The following OSBPL9 variants were observed in gnomAD, a reference collection of about 807,000 sequenced individuals.
The protein encoded by OSBPL9 is oxysterol binding protein like 9, also known as oxysterol-binding protein-related protein 9.
Under a neutral mutation model 106.6 loss-of-function variants are expected in OSBPL9, and 40 were observed. That is an observed-to-expected ratio of 0.38 (90% confidence interval 0.29 to 0.49). The LOEUF (loss-of-function observed/expected upper bound fraction) is 0.49, where lower values mean the gene tolerates loss of function less well. OSBPL9 is among the 20% of genes least tolerant of loss of function. The pLI is 0.97. For missense variants in OSBPL9, 609 were observed against 887.2 expected, an observed-to-expected ratio of 0.69 and a Z score of 3.98; for synonymous variants, 269 against 295.4, an observed-to-expected ratio of 0.91 and a Z score of 0.92.
At chr1:51,644,302 G>A (rs1251065822) in intron 1 of OSBPL9, among the ~76,000 whole-genome samples, 1 of 151,978 alleles carries the variant, frequency 6.6e-6, no homozygotes, top group South Asian at 2.1e-4. Flanking sequence ...ACAGGATCAC[G>A]AGTTAGTTTT....
intron 2 of OSBPL9, among the ~76,000 whole-genome samples, chr1:51,658,524 C>T (rs1646953079): frequency 6.6e-6 from 1 of 152,116 alleles, no homozygotes; most frequent in Non-Finnish European, 1.5e-5. Flanking sequence ...TATTAATCTA[C>T]ATGTGATTTA....
chr1:51,701,128 C>T (rs956865903), intron 3 of OSBPL9, among the ~76,000 whole-genome samples: 10 of 152,154 alleles, frequency 6.6e-5, no homozygotes, highest in African/African-American at 1.7e-4. Context: ...TTAGTAGAGA[C>T]GAGGTTTCAC....
At chr1:51,547,017 G>T in the OSBPL9 span, among the ~76,000 whole-genome samples, 1 of 152,202 alleles carries the variant, frequency 6.6e-6, no homozygotes, top group Non-Finnish European at 1.5e-5. Context: ...AATGCCAGCT[G>T]GTGGAGTTGT....
chr1:51,658,107 CAAA>C (rs1198628594), intron 2 of OSBPL9, among the ~76,000 whole-genome samples: 29 of 135,998 alleles, frequency 2.1e-4, no homozygotes, highest in African/African-American at 6.6e-4. Context: ...GACCCTGTCT[CAAA>C]GAAAAAAAAA....
chr1:51,726,652 C>T (rs1376457380), intron 4 of OSBPL9, among the ~76,000 whole-genome samples: 2 of 151,790 alleles, frequency 1.3e-5, no homozygotes, highest in South Asian at 2.1e-4. Context: ...CACCTAATAG[C>T]CTTAGTTATA....
intron 15 of OSBPL9, among the ~76,000 whole-genome samples, chr1:51,779,594 A>T (rs904256347): frequency 6.6e-6 from 1 of 152,206 alleles, no homozygotes; most frequent in African/African-American, 2.4e-5. Context: ...ATAACAGAGT[A>T]AACAGACAAC....
At chr1:51,649,939 G>A (rs1037313344) in intron 1 of OSBPL9, among the ~76,000 whole-genome samples, 2 of 151,720 alleles carry the variant, frequency 1.3e-5, no homozygotes, top group Non-Finnish European at 2.9e-5. Flanking sequence ...CAGGGGTGTG[G>A]TCATGGCTCA....
At chr1:51,782,458 C>G in intron 16 of OSBPL9, 101 bp from the exon 17 acceptor site, 1 of 816,608 alleles carries the variant, frequency 1.2e-6, no homozygotes, top group South Asian at 1.8e-5. Flanking sequence ...ATATAGGGTG[C>G]TTGGTGTGTG....
chr1:51,653,557 A>C (rs1252758760), intron 2 of OSBPL9, among the ~76,000 whole-genome samples: 2 of 152,220 alleles, frequency 1.3e-5, no homozygotes, highest in Non-Finnish European at 2.9e-5. Flanking sequence ...GCCCCAATTA[A>C]ATAAATTACA....
chr1:51,677,073 G>A (rs1007665992), intron 3 of OSBPL9, among the ~76,000 whole-genome samples: 4 of 152,320 alleles, frequency 2.6e-5, no homozygotes, highest in African/African-American at 7.2e-5. Flanking sequence ...GCCAAGATTC[G>A]TGCACATGTT....
chr1:51,551,610 A>G, the OSBPL9 span, among the ~76,000 whole-genome samples: 9 of 151,922 alleles, frequency 5.9e-5, no homozygotes, highest in Non-Finnish European at 1.2e-4. Context: ...TTTTTGAGAC[A>G]GGGTCTTACT....
At chr1:51,749,540 G>T in intron 7 of OSBPL9, 1 of 413,584 alleles carries the variant, frequency 2.4e-6, no homozygotes, top group Non-Finnish European at 5.0e-6. Context: ...TGGTCTCCTA[G>T]CCTCAAGCGA....
At chr1:51,630,173 T>C (rs1557608361) in intron 1 of OSBPL9, among the ~76,000 whole-genome samples, 1 of 152,120 alleles carries the variant, frequency 6.6e-6, no homozygotes, top group African/African-American at 2.4e-5. Flanking sequence ...CTCAGTCTTC[T>C]TTTCTGTGAT....
chr1:51,708,264 C>CTTTTTTTTTTTTTTTT (rs71063050), intron 3 of OSBPL9: 3 of 130,278 alleles, frequency 2.3e-5, no homozygotes, highest in Non-Finnish European at 3.3e-5. Flanking sequence ...TTTTCTTTTT[C>CTTTTTTTTTTTTTTTT]TTTTTTTTTT....
At chr1:51,636,651 C>G (rs1038202916) in intron 1 of OSBPL9, among the ~76,000 whole-genome samples, 5 of 151,976 alleles carry the variant, frequency 3.3e-5, no homozygotes, top group Admixed American at 3.3e-4. Flanking sequence ...ATTGTCTTAC[C>G]TTTCTAAAAT....
At chr1:51,614,936 G>C (rs1644016007), upstream of OSBPL9, among the ~76,000 whole-genome samples, 1 of 152,142 alleles carries the variant, frequency 6.6e-6, no homozygotes, top group South Asian at 2.1e-4. Flanking sequence ...ACATTCTTAA[G>C]TACTAAGCTT....
intron 2 of OSBPL9, among the ~76,000 whole-genome samples, chr1:51,665,295 C>T (rs1204647210): frequency 6.6e-6 from 1 of 152,104 alleles, no homozygotes; most frequent in East Asian, 1.9e-4. Context: ...CAGGCTTGCA[C>T]CACCATGCCT....
chr1:51,637,525 T>C (rs1183108747), intron 1 of OSBPL9, among the ~76,000 whole-genome samples: 1 of 152,184 alleles, frequency 6.6e-6, no homozygotes, highest in Non-Finnish European at 1.5e-5. Context: ...AAAGAACCAA[T>C]ATCATAAGAT....
intron 3 of OSBPL9, among the ~76,000 whole-genome samples, chr1:51,713,381 C>T (rs896830329): frequency 1.5e-4 from 23 of 152,020 alleles, no homozygotes; most frequent in Non-Finnish European, 2.9e-5. Context: ...AACTCTTGAC[C>T]TCAGGTGATC....
Sources: allele counts gnomAD v4.1 joint callset (sites outside exome capture counted in the v4.1 genomes callset), GRCh38; gene constraint gnomAD v4.1.1; transcripts MANE v1.5; gene names NCBI Gene and HGNC (gene_info 2026-07-23, HGNC 2026-07-21).